Variants in NLRP8 observed in about 807,000 individuals in gnomAD.
NLRP8 encodes the protein NACHT, LRR and PYD domains-containing protein 8.
A neutral mutation model predicts 88.7 loss-of-function variants in NLRP8; 86 were observed. The observed-to-expected ratio is 0.97, with a 90% CI of 0.81 to 1.16. The LOEUF (loss-of-function observed/expected upper bound fraction) is 1.16, where lower values mean the gene tolerates loss of function less well. NLRP8 is among the 50% of genes most tolerant of loss of function. The pLI, the probability that NLRP8 is intolerant of heterozygous loss-of-function variation, is 0.00. For synonymous variants in NLRP8, 504 were observed against 494.6 expected (o/e 1.02, Z -0.25); for missense variants, 1,342 against 1,286.5 (o/e 1.04, Z -0.66).
chr19:55,986,702 G>A (rs1980857225), intron 9 of NLRP8, among the ~76,000 whole-genome samples: 1 of 152,196 alleles, frequency 6.6e-6, no homozygotes, highest in Admixed American at 6.5e-5. Context: ...AACATCACTG[G>A]CTCAGCGCTC....
intron 9 of NLRP8, among the ~76,000 whole-genome samples, chr19:55,987,160 G>C (rs1980884786): frequency 6.6e-6 from 1 of 152,180 alleles, no homozygotes; most frequent in Non-Finnish European, 1.5e-5. Context: ...TCTGAGGTCA[G>C]GAGTTCAAGA....
chr19:55,951,753 GTTT>G (rs993758942), intron 1 of NLRP8, among the ~76,000 whole-genome samples: 1 of 151,934 alleles, frequency 6.6e-6, no homozygotes, highest in Non-Finnish European at 1.5e-5. Context: ...CCTGTATTGG[GTTT>G]TTTATTTTTT....
At chr19:55,969,593 A>G (rs1979986260) in intron 5 of NLRP8, among the ~76,000 whole-genome samples, 1 of 152,144 alleles carries the variant, frequency 6.6e-6, no homozygotes, top group Non-Finnish European at 1.5e-5. Flanking sequence ...TTTTCACATA[A>G]AGACTTCTTT....
chr19:55,948,370 G>C lies in NLRP8; in HGVS notation c.367+101G>C. 3 of 1,254,908 alleles carry C rather than the reference G, an allele frequency of 2.4e-6. No homozygotes were observed. The South Asian group carries it at 4.3e-5, about 18-fold the overall frequency. The allele number at this position is 1,254,908 out of a possible 1,614,324, so 77.7% of individuals were successfully genotyped here. On this transcript the variant is annotated intron_variant, in intron 1 of 9. Transcript: ENST00000291971. Reference sequence around the variant, plus strand: ...TATCACTTATTGGCCTTCTGAGCAAGAAAGCAAACAGTGGAGGAAGATAAT... The same window carrying C: ...TATCACTTATTGGCCTTCTGAGCAACAAAGCAAACAGTGGAGGAAGATAAT...
chr19:55,976,183 C>A lies in NLRP8; in HGVS notation c.2756C>A (p.Ala919Glu), dbSNP rs58799997. ...AATTGCTGTCAGGATATGATCTCTG[C>A]GCTCTGTAAAAATAAAACCCTGAAA... The change falls in exon 8 of 10, where the codon GCG becomes GAG. Residue 919 changes from alanine (A) to glutamate (E), a missense_variant. Physicochemically the swap from Ala to Glu is moderately radical, Grantham distance 107. Transcript: ENST00000291971. The A allele has an allele frequency of 1.2e-6, 2 of 1,613,320 alleles. No individual in the cohort carries two copies. The highest frequency in any genetic ancestry group is 2.2e-5 in the East Asian group (1 of 44,828).
At chr19:55,968,177 G>T (rs1979924878) in intron 5 of NLRP8, among the ~76,000 whole-genome samples, 1 of 152,156 alleles carries the variant, frequency 6.6e-6, no homozygotes, top group Non-Finnish European at 1.5e-5. Flanking sequence ...CGTGGCTCAT[G>T]CCTGTAATCC....
At chr19:55,971,590 T>C (rs1267196292) in intron 6 of NLRP8, among the ~76,000 whole-genome samples, 1 of 152,140 alleles carries the variant, frequency 6.6e-6, no homozygotes, top group Non-Finnish European at 1.5e-5. Flanking sequence ...GATCCAAGAA[T>C]TTAGTTATTC....
intron 1 of NLRP8, among the ~76,000 whole-genome samples, chr19:55,951,162 G>A (rs1172657703): frequency 6.6e-6 from 1 of 152,196 alleles, no homozygotes; most frequent in Non-Finnish European, 1.5e-5. Flanking sequence ...AGGGCAAGAA[G>A]GCCATGCTGT....
intron 5 of NLRP8, 75 bp from the exon 6 acceptor site, chr19:55,970,469 A>T: frequency 6.6e-7 from 1 of 1,505,568 alleles, no homozygotes; most frequent in Admixed American, 1.9e-5. Context: ...GACATGAGAC[A>T]GTGGAATCCA....
At chr19:55,985,029 C>T (rs571111715) in intron 9 of NLRP8, among the ~76,000 whole-genome samples, 5 of 152,248 alleles carry the variant, frequency 3.3e-5, no homozygotes, top group African/African-American at 7.2e-5. Flanking sequence ...TGTGGCCAAG[C>T]GCGGTGGCTC....
At chr19:55,972,257 G>A (rs1980108214) in intron 6 of NLRP8, among the ~76,000 whole-genome samples, 1 of 151,676 alleles carries the variant, frequency 6.6e-6, no homozygotes, top group African/African-American at 2.4e-5. Context: ...TGGGATTACA[G>A]GTGCCTGCCA....
chr19:55,964,375 G>A (rs1334662618), intron 4 of NLRP8, among the ~76,000 whole-genome samples: 1 of 152,182 alleles, frequency 6.6e-6, no homozygotes, highest in Non-Finnish European at 1.5e-5. Context: ...AAGATGGTGC[G>A]ACTAGGGATG....
At chr19:55,977,737 T>G (rs1980411440) in intron 8 of NLRP8, among the ~76,000 whole-genome samples, 1 of 137,152 alleles carries the variant, frequency 7.3e-6, no homozygotes, top group Non-Finnish European at 1.6e-5. Flanking sequence ...TGAATCTAAT[T>G]TTACCTCTTT....
chr19:55,972,838 T>TGTGA (rs1980140798), intron 6 of NLRP8, among the ~76,000 whole-genome samples: 1 of 147,722 alleles, frequency 6.8e-6, no homozygotes, highest in Non-Finnish European at 1.5e-5. Flanking sequence ...TGTGTGTGTG[T>TGTGA]GACATTTTCT....
At chr19:55,980,282 T>A (rs1356544429) in intron 9 of NLRP8, among the ~76,000 whole-genome samples, 1 of 152,212 alleles carries the variant, frequency 6.6e-6, no homozygotes, top group Non-Finnish European at 1.5e-5. Flanking sequence ...AAGTCGCACA[T>A]ACGGCACTTA....
chr19:55,970,592 T>C lies in NLRP8; in HGVS notation c.2430T>C (p.Asn810=). 6.2e-7 allele frequency: 1 copy of C among 1,614,116 alleles called. No individual in the cohort carries two copies. The highest frequency in any genetic ancestry group is 8.5e-7 in the Non-Finnish European group (1 of 1,180,024). Residue 810 remains asparagine, a synonymous_variant, in exon 6 of 10, where the codon AAT becomes AAC. Coordinates refer to ENST00000291971, the MANE Select transcript of NLRP8 (RefSeq NM_176811.2). ...CTAGAATTTGGACTGATCTTGGCAA[T>C]AATCTTCAAGGTAACGGGCATCTAA...
At chr19:55,972,168 G>A (rs1245587611) in intron 6 of NLRP8, among the ~76,000 whole-genome samples, 3 of 146,876 alleles carry the variant, frequency 2.0e-5, no homozygotes, top group South Asian at 4.3e-4. Flanking sequence ...AGGCTGGAGT[G>A]CAGTGGTGTG....
chr19:55,948,384 G>A (rs1326197839), intron 1 of NLRP8, 115 bp downstream of exon 1: 36 of 1,120,902 alleles, frequency 3.2e-5, no homozygotes, highest in East Asian at 2.9e-4. Flanking sequence ...GCAAACAGTG[G>A]AGGAAGATAA....
chr19:55,955,360 G>A lies in NLRP8; in HGVS notation c.1302G>A (p.Leu434=), dbSNP rs751092527. The change falls in exon 3 of 10, where the codon TTG becomes TTA. Residue 434 remains leucine, a synonymous_variant. Coordinates refer to ENST00000291971, the MANE Select transcript of NLRP8 (RefSeq NM_176811.2). Reference sequence around the variant, plus strand: ...TGTTCGTCCGGTATATTTCTAGCTTGTTTCCCACCAGAGCTGAGAACTTTT... The same window carrying A: ...TGTTCGTCCGGTATATTTCTAGCTTATTTCCCACCAGAGCTGAGAACTTTT... The A allele has an allele frequency of 6.2e-7, 1 of 1,614,146 alleles. No individual in the cohort carries two copies. Among genetic ancestry groups the A allele is most frequent in the East Asian group, 2.2e-5 (1 of 44,880 alleles).
Sources: gnomAD v4.1 joint callset for allele counts (sites outside exome capture counted in the v4.1 genomes callset) on GRCh38, gnomAD v4.1.1 for gene constraint, MANE v1.5 for transcripts, NCBI Gene and HGNC (gene_info 2026-07-23, HGNC 2026-07-21) for gene names.